Variants in DCLK2 observed in about 807,000 individuals in gnomAD.
DCLK2 encodes the protein doublecortin like kinase 2.
Under a neutral mutation model 78.4 loss-of-function variants are expected in DCLK2, and 31 were observed. The observed-to-expected ratio is 0.40, with a 90% CI of 0.30 to 0.53. The LOEUF is 0.53. Among genes scored for constraint, DCLK2 ranks in the 20% least tolerant of loss-of-function variants. The pLI, the probability that DCLK2 is intolerant of heterozygous loss-of-function variation, is 0.61. For synonymous variants in DCLK2, 407 were observed against 374.9 expected, an observed-to-expected ratio of 1.09 and a Z score of -0.99; for missense variants, 872 against 973.7, an observed-to-expected ratio of 0.90 and a Z score of 1.39.
At chr4:150,098,769 A>G (rs1730662110) in intron 1 of DCLK2, among the ~76,000 whole-genome samples, 1 of 145,970 alleles carries the variant, frequency 6.9e-6, no homozygotes, top group Non-Finnish European at 1.5e-5. Flanking sequence ...GGTCTTGGCT[A>G]ACTGCAATCT....
intron 2 of DCLK2, among the ~76,000 whole-genome samples, chr4:150,166,331 A>C (rs1736071986): frequency 6.7e-6 from 1 of 148,694 alleles, no homozygotes; most frequent in Admixed American, 6.6e-5. Flanking sequence ...CTCTACATAA[A>C]ATTTTTAAAA....
intron 2 of DCLK2, among the ~76,000 whole-genome samples, chr4:150,133,558 A>G (rs1457808939): frequency 6.6e-6 from 1 of 152,252 alleles, no homozygotes; most frequent in Admixed American, 6.5e-5. Context: ...AGCAGGATAT[A>G]GTACATTCAT....
intron 2 of DCLK2, 50 bp downstream of exon 2, chr4:150,102,862 T>A: frequency 6.7e-7 from 1 of 1,503,514 alleles, no homozygotes; most frequent in Non-Finnish European, 8.9e-7. Flanking sequence ...AAACTCCCTG[T>A]GCCATGGTGG....
chr4:150,228,785 G>A (rs1157379412), intron 8 of DCLK2, among the ~76,000 whole-genome samples: 1 of 152,204 alleles, frequency 6.6e-6, no homozygotes, highest in Non-Finnish European at 1.5e-5. Flanking sequence ...CCAGCACTTT[G>A]GGAGGCCGAG....
chr4:150,224,363 T>A, intron 7 of DCLK2, 138 bp from the exon 8 acceptor site: 3 of 710,942 alleles, frequency 4.2e-6, no homozygotes, highest in Non-Finnish European at 2.2e-6. Flanking sequence ...AGCCCAGGAG[T>A]TCAAGACCAA....
chr4:150,239,283 A>G (rs1443819869), intron 10 of DCLK2, among the ~76,000 whole-genome samples: 6 of 152,204 alleles, frequency 3.9e-5, no homozygotes, highest in African/African-American at 1.4e-4. Context: ...TAAAGCAACA[A>G]AGATGAATCA....
intron 5 of DCLK2, among the ~76,000 whole-genome samples, chr4:150,210,583 G>A (rs1180618966): frequency 3.3e-5 from 5 of 152,010 alleles, no homozygotes; most frequent in Non-Finnish European, 5.9e-5. Flanking sequence ...AGGTTGCATT[G>A]AGCTGAGATC....
intron 2 of DCLK2, among the ~76,000 whole-genome samples, chr4:150,180,284 C>G (rs1437059118): frequency 6.6e-6 from 1 of 152,152 alleles, no homozygotes; most frequent in Non-Finnish European, 1.5e-5. Context: ...GTCCCCACTT[C>G]ACAAGGTAGT....
chr4:150,153,653 G>A (rs779857514), intron 2 of DCLK2, among the ~76,000 whole-genome samples: 16 of 151,910 alleles, frequency 1.1e-4, no homozygotes, highest in Non-Finnish European at 2.2e-4. Flanking sequence ...GGGCTCAAGC[G>A]ATCCTCCTTG....
At chr4:150,153,373 C>G (rs1248178131) in intron 2 of DCLK2, among the ~76,000 whole-genome samples, 2 of 152,022 alleles carry the variant, frequency 1.3e-5, no homozygotes, top group African/African-American at 4.8e-5. Flanking sequence ...GGCCTGCCAG[C>G]CTTGATCCCT....
At chr4:150,243,266 A>G (rs1298665209) in intron 12 of DCLK2, among the ~76,000 whole-genome samples, 6 of 152,196 alleles carry the variant, frequency 3.9e-5, no homozygotes, top group Non-Finnish European at 8.8e-5. Context: ...TGCTGCCCTT[A>G]TATGCTGCCT....
chr4:150,085,311 A>T (rs1019956653), intron 1 of DCLK2, among the ~76,000 whole-genome samples: 3 of 152,238 alleles, frequency 2.0e-5, no homozygotes, highest in Non-Finnish European at 4.4e-5. Flanking sequence ...GGTAAGTTAT[A>T]AAGAAAATTT....
chr4:150,148,698 C>T (rs1734656457), intron 2 of DCLK2, among the ~76,000 whole-genome samples: 1 of 151,900 alleles, frequency 6.6e-6, no homozygotes, highest in Non-Finnish European at 1.5e-5. Flanking sequence ...GTATGACCTA[C>T]ATCTAAATAT....
chr4:150,192,474 G>A (rs1178842815), intron 2 of DCLK2, among the ~76,000 whole-genome samples: 3 of 47,672 alleles, frequency 6.3e-5, no homozygotes, highest in South Asian at 9.2e-4. Context: ...GCAAGATTGC[G>A]TCTCAAAAAA....
At chr4:150,205,392 G>A (rs887110314) in intron 5 of DCLK2, among the ~76,000 whole-genome samples, 1 of 152,226 alleles carries the variant, frequency 6.6e-6, no homozygotes, top group South Asian at 2.1e-4. Context: ...CAGAGCATCT[G>A]TTTTTGTGCC....
chr4:150,187,440 A>G (rs550130601), intron 2 of DCLK2, among the ~76,000 whole-genome samples: 1 of 152,154 alleles, frequency 6.6e-6, no homozygotes, highest in Admixed American at 6.5e-5. Flanking sequence ...TCCCTTACAG[A>G]TATTCATGTG....
chr4:150,106,222 G>A (rs1027761781), intron 2 of DCLK2, among the ~76,000 whole-genome samples: 13 of 152,118 alleles, frequency 8.5e-5, no homozygotes, highest in African/African-American at 3.1e-4. Context: ...TACTATATAG[G>A]TGAACTCGCT....
At chr4:150,090,369 A>G (rs1271100531) in intron 1 of DCLK2, among the ~76,000 whole-genome samples, 2 of 152,216 alleles carry the variant, frequency 1.3e-5, no homozygotes, top group Non-Finnish European at 2.9e-5. Flanking sequence ...TCGCGCCATT[A>G]CACTCCACTC....
chr4:150,090,705 T>C (rs764629177), intron 1 of DCLK2, among the ~76,000 whole-genome samples: 19 of 152,142 alleles, frequency 1.2e-4, no homozygotes, highest in Non-Finnish European at 2.4e-4. Flanking sequence ...AAAACATGGA[T>C]TTGTGGACAT....
Sources: allele counts gnomAD v4.1 joint callset (sites outside exome capture counted in the v4.1 genomes callset), GRCh38; gene constraint gnomAD v4.1.1; transcripts MANE v1.5; gene names NCBI Gene and HGNC (gene_info 2026-07-23, HGNC 2026-07-21).